Variants in ERBB4 observed in about 807,000 individuals in gnomAD.
ERBB4 encodes receptor tyrosine-protein kinase erbB-4.
In ERBB4, 42 loss-of-function variants were observed where a neutral mutation model predicts 158.0. The ratio of observed to expected loss-of-function variants is 0.27; its 90% CI spans 0.21 to 0.34. ERBB4 has a LOEUF of 0.34. ERBB4 is among the 10% of genes least tolerant of loss of function. ERBB4 has a pLI of 1.00. For missense variants in ERBB4, 1,333 were observed against 1,624.1 expected (o/e 0.82, Z 3.08); for synonymous variants, 583 against 558.7 (o/e 1.04, Z -0.61).
Position 212,416,520 on chromosome 2 carries a change from C to T in ERBB4, c.82+121929G>A, listed in dbSNP as rs1454044574. Among the ~76,000 whole-genome samples, 3 of 152,124 alleles carry T rather than the reference C, an allele frequency of 2.0e-5. No homozygotes were observed. The South Asian group carries it at 6.2e-4, about 32-fold the overall frequency. Reference sequence around the variant, plus strand: ...AAAGATCTATAAACCTGAATTAAAACTCTTGAGTTTCAAACTGCCTCGTTC... The same window carrying T: ...AAAGATCTATAAACCTGAATTAAAATTCTTGAGTTTCAAACTGCCTCGTTC... On this transcript the variant is annotated intron_variant, in intron 1 of 27. Coordinates refer to ENST00000342788, the MANE Select transcript of ERBB4 (RefSeq NM_005235.3).
chr2:212,239,485 T>C (rs2084005109), intron 1 of ERBB4, among the ~76,000 whole-genome samples: 2 of 152,212 alleles, frequency 1.3e-5, no homozygotes, highest in Admixed American at 6.5e-5. Context: ...ATCAAAATAG[T>C]GATTTCTACC....
chr2:212,470,299 A>G (rs1689052481), intron 1 of ERBB4, among the ~76,000 whole-genome samples: 1 of 152,088 alleles, frequency 6.6e-6, no homozygotes, highest in Admixed American at 6.6e-5. Flanking sequence ...TTCTTCACCC[A>G]GTAACTGGCC....
At chr2:212,500,058 T>C (rs1164575137) in intron 1 of ERBB4, among the ~76,000 whole-genome samples, 1 of 152,066 alleles carries the variant, frequency 6.6e-6, no homozygotes, top group African/African-American at 2.4e-5. Context: ...CCCCGGAATT[T>C]ATTTTTTTCT....
intron 1 of ERBB4, among the ~76,000 whole-genome samples, chr2:212,267,802 A>C (rs1371288749): frequency 5.0e-4 from 69 of 137,188 alleles, no homozygotes; most frequent in African/African-American, 1.8e-3. Flanking sequence ...TCCTGTTCTC[A>C]TTTCTTTATC....
At chr2:212,352,837 C>T (rs1307114077) in intron 1 of ERBB4, among the ~76,000 whole-genome samples, 1 of 151,970 alleles carries the variant, frequency 6.6e-6, no homozygotes, top group African/African-American at 2.4e-5. Context: ...CACTGCACTC[C>T]AGCCTGGGTG....
chr2:212,257,545 T>A (rs888951038), intron 1 of ERBB4, among the ~76,000 whole-genome samples: 5 of 152,224 alleles, frequency 3.3e-5, no homozygotes, highest in Non-Finnish European at 5.9e-5. Flanking sequence ...ATTTCTGTAT[T>A]CCTGAAAGAC....
chr2:211,581,939 G>T (rs1032487615), intron 19 of ERBB4, among the ~76,000 whole-genome samples: 2 of 152,116 alleles, frequency 1.3e-5, no homozygotes, highest in Non-Finnish European at 2.9e-5. Flanking sequence ...GAACCCAGGA[G>T]GCGGAGGTTG....
intron 25 of ERBB4, among the ~76,000 whole-genome samples, chr2:211,392,547 ACT>A (rs937459173): frequency 1.5e-5 from 2 of 136,418 alleles, no homozygotes; most frequent in Admixed American, 7.8e-5. Context: ...TTTTGAAAAA[ACT>A]CTCTTACTCC....
chr2:211,512,815 A>G lies in ERBB4; in HGVS notation c.2487+49088T>C, dbSNP rs530950350. Among the ~76,000 whole-genome samples, 18 of 152,238 alleles carry G rather than the reference A, an allele frequency of 1.2e-4. No homozygotes were observed. The East Asian group carries it at 2.5e-3, about 21-fold the overall frequency. On this transcript the variant is annotated intron_variant, in intron 20 of 27. Coordinates refer to ENST00000342788, the MANE Select transcript of ERBB4 (RefSeq NM_005235.3). ...AATAACACAACTAAGTACCTGACCC[A>G]TCTCTGCATGCAGAAATTAATAACA...
chr2:212,201,352 G>C (rs2082581302), intron 1 of ERBB4, among the ~76,000 whole-genome samples: 1 of 152,092 alleles, frequency 6.6e-6, no homozygotes, highest in African/African-American at 2.4e-5. Flanking sequence ...AACAGAGTTT[G>C]GGAATGTTTA....
At chr2:212,424,018 T>C (rs1050326576) in intron 1 of ERBB4, among the ~76,000 whole-genome samples, 3 of 152,166 alleles carry the variant, frequency 2.0e-5, no homozygotes, top group Non-Finnish European at 4.4e-5. Flanking sequence ...TAAAATACAA[T>C]CTACAATTAT....
At chr2:212,537,177 C>G (rs79140232) in intron 1 of ERBB4, among the ~76,000 whole-genome samples, 1 of 146,600 alleles carries the variant, frequency 6.8e-6, no homozygotes, top group Non-Finnish European at 1.5e-5. Flanking sequence ...TACAGCTAGC[C>G]GTTTTCTTGG....
intron 3 of ERBB4, among the ~76,000 whole-genome samples, chr2:211,832,731 C>T (rs2077251190): frequency 6.6e-6 from 1 of 151,132 alleles, no homozygotes; most frequent in Non-Finnish European, 1.5e-5. Flanking sequence ...ATATGTGAAC[C>T]ATCCTGGATA....
At chr2:211,968,827 C>T (rs758693875) in intron 2 of ERBB4, among the ~76,000 whole-genome samples, 2 of 151,894 alleles carry the variant, frequency 1.3e-5, no homozygotes, top group African/African-American at 2.4e-5. Context: ...GACAATGATG[C>T]TTGGTGACTA....
intron 16 of ERBB4, among the ~76,000 whole-genome samples, chr2:211,637,463 C>T (rs1184516203): frequency 1.3e-5 from 2 of 152,010 alleles, no homozygotes; most frequent in South Asian, 2.1e-4. Context: ...TTATAGCACA[C>T]AGGGTGTCAC....
intron 1 of ERBB4, among the ~76,000 whole-genome samples, chr2:212,356,967 T>G (rs996122896): frequency 1.3e-5 from 2 of 151,946 alleles, no homozygotes; most frequent in African/African-American, 4.8e-5. Context: ...CTCATTATCA[T>G]TTTAAAGGAT....
chr2:211,748,491 G>A (rs1414455311), intron 5 of ERBB4, among the ~76,000 whole-genome samples: 1 of 152,136 alleles, frequency 6.6e-6, no homozygotes, highest in Non-Finnish European at 1.5e-5. Flanking sequence ...ACAGCAGGGT[G>A]TCTTAAGTGC....
intron 14 of ERBB4, among the ~76,000 whole-genome samples, chr2:211,671,037 T>A (rs944863204): frequency 1.3e-5 from 2 of 152,188 alleles, no homozygotes; most frequent in Non-Finnish European, 2.9e-5. Context: ...TGTCTTACTA[T>A]GCAACATTTA....
intron 1 of ERBB4, among the ~76,000 whole-genome samples, chr2:212,148,500 C>T (rs1043297193): frequency 2.6e-5 from 4 of 151,820 alleles, no homozygotes; most frequent in Admixed American, 2.6e-4. Context: ...TAATACAAAG[C>T]CCTAGGTACT....
Sources: gnomAD v4.1 joint callset for allele counts (sites outside exome capture counted in the v4.1 genomes callset) on GRCh38, gnomAD v4.1.1 for gene constraint, MANE v1.5 for transcripts, NCBI Gene and HGNC (gene_info 2026-07-23, HGNC 2026-07-21) for gene names.